Variants in PTPN9 observed in about 807,000 individuals in gnomAD.
The protein encoded by PTPN9 is tyrosine-protein phosphatase non-receptor type 9.
PTPN9 carries 26 observed loss-of-function variants against 69.8 expected under a neutral mutation model. The observed-to-expected ratio is 0.37, with a 90% CI of 0.27 to 0.52. The LOEUF (loss-of-function observed/expected upper bound fraction) is 0.52. Ranked by LOEUF, PTPN9 falls within the 20% of genes least tolerant of loss-of-function variation. The pLI, the probability that PTPN9 is intolerant of heterozygous loss-of-function variation, is 0.91. For synonymous variants in PTPN9, 274 were observed against 272.5 expected (o/e 1.01, Z -0.05); for missense variants, 549 against 740.3 (o/e 0.74, Z 3.00).
chr15:75,577,353 T>C (rs1353338467), intron 1 of PTPN9, among the ~76,000 whole-genome samples: 1 of 152,208 alleles, frequency 6.6e-6, no homozygotes, highest in Non-Finnish European at 1.5e-5. Flanking sequence ...CCTATCTTAG[T>C]ACTGAAGTAC....
chr15:75,559,515 G>A (rs191391402), intron 1 of PTPN9, among the ~76,000 whole-genome samples: 3 of 152,148 alleles, frequency 2.0e-5, no homozygotes, highest in Admixed American at 1.3e-4. Flanking sequence ...TCCACTCAGC[G>A]TTAGATGGAT....
At chr15:75,475,255 A>G (rs1432503539) in intron 9 of PTPN9, among the ~76,000 whole-genome samples, 2 of 152,138 alleles carry the variant, frequency 1.3e-5, no homozygotes, top group Non-Finnish European at 2.9e-5. Context: ...AACTTTGAAG[A>G]TACTTGTGGG....
chr15:75,574,195 G>C (rs2075161262), intron 1 of PTPN9, among the ~76,000 whole-genome samples: 2 of 151,948 alleles, frequency 1.3e-5, no homozygotes, highest in Admixed American at 1.3e-4. Context: ...TGAGGCAGGA[G>C]GACGGCTTGA....
chr15:75,538,458 A>G (rs1293204996), intron 1 of PTPN9, among the ~76,000 whole-genome samples: 1 of 152,164 alleles, frequency 6.6e-6, no homozygotes, highest in Admixed American at 6.6e-5. Context: ...GCACTCTGGG[A>G]GGCCGAAGTG....
At chr15:75,508,792 C>T in intron 6 of PTPN9, 125 bp downstream of exon 6, 1 of 660,778 alleles carries the variant, frequency 1.5e-6, no homozygotes. Flanking sequence ...TAAGTGAATG[C>T]ACTAACAGAA....
chr15:75,548,623 T>C (rs1405631617), intron 1 of PTPN9, among the ~76,000 whole-genome samples: 3 of 151,836 alleles, frequency 2.0e-5, no homozygotes, highest in African/African-American at 7.3e-5. Context: ...AATTTTTGTT[T>C]TTGTTTTTTC....
At chr15:75,567,342 T>C (rs1351694533) in intron 1 of PTPN9, among the ~76,000 whole-genome samples, 1 of 152,060 alleles carries the variant, frequency 6.6e-6, no homozygotes, top group African/African-American at 2.4e-5. Context: ...TTTTAAAAGA[T>C]TGGTTGTAAT....
In PTPN9 at chr15:75,490,109, G is replaced by A. The variant is rs12592505; in HGVS notation, c.1062+99C>T. 8.0e-3 allele frequency: 7,904 copies of A among 986,134 alleles called. 262 individuals are homozygous for A. The East Asian group carries it at 0.099, about 12-fold the overall frequency. The allele number at this position is 986,134 out of a possible 1,614,324, so 61.1% of individuals were successfully genotyped here. On this transcript the variant is annotated intron_variant, in intron 8 of 12. Coordinates refer to ENST00000618819, the MANE Select transcript of PTPN9 (RefSeq NM_002833.4). ...ACTCAAACCTAATCTCTCTGGCCTCGGAGTCTACTTTCATTCTACCGAAGT... is the reference window on the plus strand; with the variant it reads ...ACTCAAACCTAATCTCTCTGGCCTCAGAGTCTACTTTCATTCTACCGAAGT...
In PTPN9 at chr15:75,480,790, C is replaced by CGGCTGGAGG. The variant is rs1454077178; in HGVS notation, c.1063-885_1063-877dup. On this transcript the variant is annotated intron_variant, in intron 8 of 12. Coordinates refer to ENST00000618819, the MANE Select transcript of PTPN9 (RefSeq NM_002833.4). Reference sequence around the variant, plus strand: ...CCGGCGAGCGCCGCCCGCGAGGCAGCGGCTGGAGGAGCGGACGGGCCCCGC... The same window carrying CGGCTGGAGG: ...CCGGCGAGCGCCGCCCGCGAGGCAGCGGCTGGAGGGGCTGGAGGAGCGGACGGGCCCCGC... 4 of 1,023,938 alleles carry CGGCTGGAGG rather than the reference C, an allele frequency of 3.9e-6. No homozygotes were observed. The African/African-American group carries it at 6.9e-5, about 18-fold the overall frequency. The allele number at this position is 1,023,938 out of a possible 1,614,324, so 63.4% of individuals were successfully genotyped here. A position where few individuals can be genotyped will look rare whatever the true frequency, so the allele number is the denominator to read the frequency against.
chr15:75,546,802 C>A (rs2075035216), intron 1 of PTPN9, among the ~76,000 whole-genome samples: 1 of 151,874 alleles, frequency 6.6e-6, no homozygotes, highest in Non-Finnish European at 1.5e-5. Context: ...ATTATCCAGA[C>A]TAAGGAGAAA....
At position 75,505,933 on chromosome 15, in the gene PTPN9, C is replaced by A; in HGVS notation, c.710G>T (p.Gly237Val). The change falls in exon 7 of 13, where the codon GGG becomes GTG. Residue 237 changes from glycine to valine, a missense_variant. This residue lies in a region of PTPN9 where 457 missense variants were observed against 661.9 expected (regional missense o/e 0.69). Transcript: ENST00000618819. ...AGTGGCGAGATCAATTTTGACGTAC[C>A]CACCCAGGTTTTCTGGAAGACACTC... ...PRECLPENLG[G>V]YVKIDLATWN... 1 of 1,613,968 alleles carries A rather than the reference C, an allele frequency of 6.2e-7. No individual in the cohort carries two copies.
intron 9 of PTPN9, among the ~76,000 whole-genome samples, chr15:75,474,268 C>G (rs984839612): frequency 1.2e-4 from 18 of 152,172 alleles, no homozygotes; most frequent in Non-Finnish European, 2.5e-4. Flanking sequence ...GCCTATAATC[C>G]CAGCACTTTG....
chr15:75,568,325 T>C lies in PTPN9; in HGVS notation c.63+10389A>G, dbSNP rs1160069068. ...CTGGGCAACAGAACGAGACCCTGTC[T>C]CTACAACAAATAAAAAATAAAAAAT... is the stretch of plus-strand genomic sequence containing the variant. On this transcript the variant is annotated intron_variant, in intron 1 of 12. Transcript: ENST00000618819. Among the ~76,000 whole-genome samples the C allele has an allele frequency of 2.7e-5, 4 of 150,154 alleles. No homozygotes were observed. In the East Asian group the frequency reaches 8.0e-4, roughly 30 times the overall value.
intron 5 of PTPN9, among the ~76,000 whole-genome samples, chr15:75,514,882 T>A: frequency 6.6e-6 from 1 of 152,152 alleles, no homozygotes; most frequent in African/African-American, 2.4e-5. Context: ...GGGAAAAAAA[T>A]TAAGAAGTCT....
chr15:75,575,817 G>A (rs1412208983), intron 1 of PTPN9, among the ~76,000 whole-genome samples: 3 of 150,710 alleles, frequency 2.0e-5, no homozygotes. Flanking sequence ...TACTCGGGAG[G>A]CTGAGACAGA....
At chr15:75,482,753 G>C (rs1449008669) in intron 8 of PTPN9, among the ~76,000 whole-genome samples, 1 of 149,910 alleles carries the variant, frequency 6.7e-6, no homozygotes. Context: ...CCCTCTGTGA[G>C]AAACACCCAA....
intron 7 of PTPN9, among the ~76,000 whole-genome samples, chr15:75,501,526 G>A (rs908557147): frequency 3.0e-4 from 44 of 145,438 alleles, no homozygotes; most frequent in Non-Finnish European, 8.9e-5. Flanking sequence ...GCTCAGTGGC[G>A]TGATCATAAC....
At chr15:75,541,387 TTTA>T (rs991681305) in intron 1 of PTPN9, among the ~76,000 whole-genome samples, 50 of 150,780 alleles carry the variant, frequency 3.3e-4, no homozygotes, top group Admixed American at 4.6e-4. Flanking sequence ...CTGCCCTCAT[TTTA>T]TTATTATTAT....
Position 75,508,010 on chromosome 15 carries a change from C to G in PTPN9, c.639+907G>C, listed in dbSNP as rs981637131. ...TGAGCCAAGATCGTGCCACTGCACT[C>G]CAGCCTAGGCAACAGAGTGAGACAC... On this transcript the variant is annotated intron_variant, in intron 6 of 12. Coordinates refer to ENST00000618819, the MANE Select transcript of PTPN9 (RefSeq NM_002833.4). Among the ~76,000 whole-genome samples, 11 of 145,250 alleles carry G rather than the reference C, an allele frequency of 7.6e-5. No homozygotes were observed. The Admixed American group carries it at 7.8e-4, about 10-fold the overall frequency.
Sources: allele counts gnomAD v4.1 joint callset (sites outside exome capture counted in the v4.1 genomes callset), GRCh38; gene constraint gnomAD v4.1.1; regional missense constraint gnomAD v4.1.1; transcripts MANE v1.5; gene names NCBI Gene and HGNC (gene_info 2026-07-23, HGNC 2026-07-21).